PRR16: variants seen among roughly 807,000 people sequenced by gnomAD.
PRR16 encodes the protein proline rich 16.
PRR16 carries 6 observed loss-of-function variants against 18.2 expected under a neutral mutation model. The ratio of observed to expected loss-of-function variants is 0.33; its 90% CI spans 0.18 to 0.65. The LOEUF (loss-of-function observed/expected upper bound fraction) is 0.65, where lower values mean the gene tolerates loss of function less well. PRR16 is among the 30% of genes least tolerant of loss of function. The pLI, the probability that PRR16 is intolerant of heterozygous loss-of-function variation, is 0.74. For missense variants in PRR16, 412 were observed against 376.6 expected (o/e 1.09, Z -0.78); for synonymous variants, 151 against 147.8 (o/e 1.02, Z -0.16).
intron 1 of PRR16, among the ~76,000 whole-genome samples, chr5:120,636,847 C>G (rs1755243741): frequency 6.6e-6 from 1 of 152,058 alleles, no homozygotes; most frequent in African/African-American, 2.4e-5. Flanking sequence ...GCAGAGTCAA[C>G]AGCCAACCCA....
intron 1 of PRR16, among the ~76,000 whole-genome samples, chr5:120,662,103 A>C (rs112730427): frequency 9.7e-4 from 148 of 152,218 alleles, no homozygotes; most frequent in African/African-American, 3.3e-3. Context: ...CCTGACATGG[A>C]ATGCTGAGTT....
the PRR16 span, among the ~76,000 whole-genome samples, chr5:120,697,448 G>A: frequency 6.6e-6 from 1 of 152,194 alleles, no homozygotes; most frequent in Non-Finnish European, 1.5e-5. Context: ...TCCTAAACCT[G>A]TCCACTTACT....
chr5:120,736,524 CA>C, the PRR16 span, among the ~76,000 whole-genome samples: 1 of 141,252 alleles, frequency 7.1e-6, no homozygotes, highest in African/African-American at 2.6e-5. Context: ...CTCGGCCTCC[CA>C]AAGTGTAAAG....
At chr5:120,625,029 A>G (rs1299433380) in intron 1 of PRR16, among the ~76,000 whole-genome samples, 2 of 152,312 alleles carry the variant, frequency 1.3e-5, no homozygotes, top group East Asian at 3.9e-4. Context: ...TGTAAGTCCA[A>G]TAAACCTCTT....
chr5:120,575,978 G>T (rs1753063793), intron 1 of PRR16, among the ~76,000 whole-genome samples: 1 of 152,176 alleles, frequency 6.6e-6, no homozygotes, highest in African/African-American at 2.4e-5. Flanking sequence ...ATATGATGCA[G>T]AAGAAGGCAG....
chr5:120,791,628 CATCT>C, the PRR16 span, among the ~76,000 whole-genome samples: 324 of 116,344 alleles, frequency 2.8e-3, 1 homozygote, highest in Admixed American at 5.1e-3. Flanking sequence ...TCTATCCATC[CATCT>C]ATCATCTATC....
At chr5:120,664,297 T>TCAAAA (rs1201294179) in intron 1 of PRR16, among the ~76,000 whole-genome samples, 3 of 124,772 alleles carry the variant, frequency 2.4e-5, no homozygotes, top group East Asian at 7.7e-4. Context: ...AAACTCTGTC[T>TCAAAA]CAAAAGAAAA....
intron 1 of PRR16, among the ~76,000 whole-genome samples, chr5:120,608,652 G>C (rs1340049055): frequency 2.0e-5 from 3 of 151,958 alleles, no homozygotes; most frequent in Non-Finnish European, 4.4e-5. Context: ...TTTTCTATTA[G>C]GCTAGATTTT....
chr5:120,469,383 A>G (rs1338727261), intron 1 of PRR16, among the ~76,000 whole-genome samples: 1 of 152,196 alleles, frequency 6.6e-6, no homozygotes. Context: ...GGGCAGTGTT[A>G]GAGATCTTGG....
intron 1 of PRR16, among the ~76,000 whole-genome samples, chr5:120,542,888 T>C (rs1420745140): frequency 6.6e-6 from 1 of 152,150 alleles, no homozygotes; most frequent in Non-Finnish European, 1.5e-5. Flanking sequence ...GAATCAAGAA[T>C]AGAAATAATA....
At chr5:120,697,732 C>T in the PRR16 span, among the ~76,000 whole-genome samples, 17 of 151,326 alleles carry the variant, frequency 1.1e-4, no homozygotes, top group East Asian at 7.8e-4. Flanking sequence ...TGTTCTCTGG[C>T]GGGCAGGAGT....
At chr5:120,473,407 C>CT (rs2112800823) in intron 1 of PRR16, among the ~76,000 whole-genome samples, 1 of 152,060 alleles carries the variant, frequency 6.6e-6, no homozygotes, top group South Asian at 2.1e-4. Context: ...AGCCAGTCTG[C>CT]TTTTTTTCAA....
intron 1 of PRR16, among the ~76,000 whole-genome samples, chr5:120,530,360 C>T (rs1476369350): frequency 6.8e-6 from 1 of 147,744 alleles, no homozygotes; most frequent in Non-Finnish European, 1.5e-5. Context: ...AATTCTTTCC[C>T]GGAGTAAGCT....
At chr5:120,727,669 C>T in the PRR16 span, among the ~76,000 whole-genome samples, 8 of 152,050 alleles carry the variant, frequency 5.3e-5, no homozygotes, top group Admixed American at 2.6e-4. Context: ...TTTTGAAACT[C>T]TTTATTGTTG....
chr5:120,709,897 G>C, the PRR16 span, among the ~76,000 whole-genome samples: 1 of 152,062 alleles, frequency 6.6e-6, no homozygotes, highest in South Asian at 2.1e-4. Context: ...GGGCACTTAG[G>C]TTGATTCCAT....
intron 1 of PRR16, among the ~76,000 whole-genome samples, chr5:120,657,881 GGT>G (rs995016177): frequency 6.6e-5 from 10 of 151,766 alleles, no homozygotes; most frequent in African/African-American, 1.9e-4. Context: ...CTTTACTAAG[GGT>G]GTGATTGTCG....
the PRR16 span, among the ~76,000 whole-genome samples, chr5:120,736,537 C>CTTTTT: frequency 9.1e-4 from 49 of 54,016 alleles, 5 homozygotes; most frequent in African/African-American, 3.4e-3. Context: ...AGTGTAAAGG[C>CTTTTT]TTTTTTTTTT....
At chr5:120,585,644 A>G (rs1753416268) in intron 1 of PRR16, among the ~76,000 whole-genome samples, 1 of 150,202 alleles carries the variant, frequency 6.7e-6, no homozygotes, top group Admixed American at 6.6e-5. Context: ...CCTTCTTCAC[A>G]CTACCCCACT....
chr5:120,692,693 T>G, the PRR16 span, among the ~76,000 whole-genome samples: 2 of 152,296 alleles, frequency 1.3e-5, no homozygotes, highest in East Asian at 3.9e-4. Context: ...GAAGACTTTG[T>G]TTTCTTTTTA....
Sources: allele counts gnomAD v4.1 joint callset (sites outside exome capture counted in the v4.1 genomes callset), GRCh38; gene constraint gnomAD v4.1.1; transcripts MANE v1.5; gene names NCBI Gene and HGNC (gene_info 2026-07-23, HGNC 2026-07-21).